The following RPL35A variants were observed in gnomAD, a reference collection of about 807,000 sequenced individuals.
The protein encoded by RPL35A is large ribosomal subunit protein eL33.
RPL35A carries 1 observed loss-of-function variant against 16.7 expected under a neutral mutation model. The ratio of observed to expected loss-of-function variants is 0.06; its 90% CI spans 0.02 to 0.28. RPL35A has a LOEUF of 0.28. RPL35A is among the 10% of genes least tolerant of loss of function. RPL35A has a pLI of 1.00. For missense variants in RPL35A, 91 were observed against 138.7 expected (o/e 0.66, Z 1.73); for synonymous variants, 58 against 47.0 (o/e 1.23, Z -0.96).
chr3:197,953,560 G>A, intron 3 of RPL35A: 1 of 457,282 alleles, frequency 2.2e-6, no homozygotes, highest in South Asian at 1.5e-5. Flanking sequence ...CAGTGCCTGC[G>A]CTAGTCATCC....
intron 1 of RPL35A, 127 bp from the exon 2 acceptor site, chr3:197,950,806 ATTG>A (rs1720003743): frequency 9.3e-6 from 7 of 755,198 alleles, no homozygotes; most frequent in South Asian, 1.6e-5. Flanking sequence ...ATGTTCTGGC[ATTG>A]TTGTCCCCGA....
chr3:197,953,968 G>C, intron 3 of RPL35A, 35 bp from the exon 4 acceptor site: 1 of 1,611,074 alleles, frequency 6.2e-7, no homozygotes, highest in South Asian at 1.1e-5. Flanking sequence ...AACTATATCA[G>C]CTTGTATTCC....
At chr3:197,951,613 A>G (rs1032486754) in intron 3 of RPL35A, 4 of 387,600 alleles carry the variant, frequency 1.0e-5, no homozygotes, top group South Asian at 4.6e-5. Flanking sequence ...TCGGCCTCCC[A>G]AAGTGCTGAG....
Position 197,950,205 on chromosome 3 carries a change from T to G in RPL35A, c.-49T>G. The G allele has an allele frequency of 8.1e-7, 1 of 1,231,552 alleles. No homozygotes were observed. The highest frequency in any genetic ancestry group is 3.1e-4 in the Middle Eastern group (1 of 3,208). The allele number at this position is 1,231,552 out of a possible 1,614,324, so 76.3% of individuals were successfully genotyped here. A position where few individuals can be genotyped will look rare whatever the true frequency, so the allele number is the denominator to read the frequency against. ...GGGCCTCGTCCTTCTCTTACCGCCATCTTGGCTCCTGTGGAGGTGAGTGAA... is the reference window on the plus strand; with the variant it reads ...GGGCCTCGTCCTTCTCTTACCGCCAGCTTGGCTCCTGTGGAGGTGAGTGAA... On this transcript the variant is annotated 5_prime_UTR_variant, in exon 1 of 5. Transcript: ENST00000647248.
intron 1 of RPL35A, chr3:197,950,561 C>T (rs933427163): frequency 7.8e-5 from 26 of 332,364 alleles, no homozygotes; most frequent in Non-Finnish European, 1.2e-4. Flanking sequence ...CAGTCTCTTT[C>T]CTCAGCTTTT....
rs555517793 is a variant in RPL35A, at chr3:197,956,304, A to G, written c.*531A>G. ...TTCAATGCAGATTGGGAAACTTAAA[A>G]TTTGAATGGAGATTATGTTGATGGG... is the stretch of plus-strand genomic sequence containing the variant. On this transcript the variant is annotated 3_prime_UTR_variant, in exon 5 of 5. Coordinates refer to ENST00000647248, the MANE Select transcript of RPL35A (RefSeq NM_000996.4). 1 of 160,544 alleles carries G rather than the reference A, an allele frequency of 6.2e-6. No homozygotes were observed. Among genetic ancestry groups the G allele is most frequent in the South Asian group, 1.7e-4 (1 of 5,798 alleles). The allele number at this position is 160,544 out of a possible 1,614,324, so 9.9% of individuals were successfully genotyped here. A position where few individuals can be genotyped will look rare whatever the true frequency, so the allele number is the denominator to read the frequency against.
Position 197,956,555 on chromosome 3 carries a change from T to A in RPL35A, c.*782T>A, listed in dbSNP as rs975496256. The A allele has an allele frequency of 6.6e-6, 1 of 152,028 alleles. No individual in the cohort carries two copies. The allele number at this position is 152,028 out of a possible 1,614,324, so 9.4% of individuals were successfully genotyped here. A position where few individuals can be genotyped will look rare whatever the true frequency, so the allele number is the denominator to read the frequency against. On this transcript the variant is annotated 3_prime_UTR_variant, in exon 5 of 5. Transcript: ENST00000647248. ...TTCAAGATTGCACTTTAAGCAGGCCTCCTAAATATTTTAGATTTCTTGGGG... is the reference window on the plus strand; with the variant it reads ...TTCAAGATTGCACTTTAAGCAGGCCACCTAAATATTTTAGATTTCTTGGGG...
At chr3:197,954,539 TCA>T (rs1344461507) in intron 4 of RPL35A, 1 of 326,472 alleles carries the variant, frequency 3.1e-6, no homozygotes, top group Non-Finnish European at 5.9e-6. Flanking sequence ...AGACAAGGTC[TCA>T]CTTTGTCACG....
chr3:197,955,775 C>T lies in RPL35A; in HGVS notation c.*2C>T, dbSNP rs752237864. On this transcript the variant is annotated 3_prime_UTR_variant, in exon 5 of 5. Coordinates refer to ENST00000647248, the MANE Select transcript of RPL35A (RefSeq NM_000996.4). ...ATGCTGTACCCCTCAAGGATTTAAA[C>T]TAACGAAAAATCAATAAATAAATGT... 6.2e-7 allele frequency: 1 copy of T among 1,603,262 alleles called. No individual in the cohort carries two copies. The highest frequency in any genetic ancestry group is 8.5e-7 in the Non-Finnish European group (1 of 1,172,024).
intron 4 of RPL35A, among the ~76,000 whole-genome samples, chr3:197,955,454 G>C (rs1720453957): frequency 6.6e-6 from 1 of 152,002 alleles, no homozygotes; most frequent in Non-Finnish European, 1.5e-5. Context: ...AGTAGAGACA[G>C]GGTTTTACCA....
At chr3:197,951,580 T>C (rs946311253) in intron 3 of RPL35A, 2 of 433,754 alleles carry the variant, frequency 4.6e-6, no homozygotes, top group Non-Finnish European at 8.5e-6. Context: ...CCCAAACTCC[T>C]GACCTTAGGT....
chr3:197,950,574 C>T (rs1289899219), intron 1 of RPL35A: 7 of 344,684 alleles, frequency 2.0e-5, no homozygotes, highest in African/African-American at 1.3e-4. Flanking sequence ...CAGCTTTTCT[C>T]CCCCAGCCAT....
intron 3 of RPL35A, chr3:197,953,525 G>T (rs371838311): frequency 7.2e-5 from 33 of 456,886 alleles, no homozygotes; most frequent in South Asian, 5.0e-4. Context: ...TCTTTCTTCC[G>T]GCCAGGACAC....
At chr3:197,950,705 T>C (rs1185534114) in intron 1 of RPL35A, 4 of 570,140 alleles carry the variant, frequency 7.0e-6, no homozygotes, top group Admixed American at 6.2e-5. Flanking sequence ...GTGACTCCTG[T>C]CCCTTAGTTT....
intron 3 of RPL35A, chr3:197,953,415 G>A: frequency 2.2e-6 from 1 of 456,646 alleles, no homozygotes; most frequent in South Asian, 1.5e-5. Flanking sequence ...TTTGTACATT[G>A]CTCGAACCAC....
In RPL35A at chr3:197,951,274, T is replaced by A; in HGVS notation, c.127T>A (p.Leu43Met). The change falls in exon 3 of 5, where the codon TTG becomes ATG. Residue 43 changes from leucine to methionine, a missense_variant. By Grantham distance (15) the Leu-to-Met change is conservative. Coordinates refer to ENST00000647248, the MANE Select transcript of RPL35A (RefSeq NM_000996.4). Reference protein sequence around the residue: ...VYARDETEFYLGKRCAYVYKA... With the variant: ...VYARDETEFYMGKRCAYVYKA... ...CGCCCGAGATGAAACAGAATTCTAT[T>A]TGGGCAAGAGATGCGCTTATGTATA... 1.2e-6 allele frequency: 2 copies of A among 1,614,144 alleles called. No individual in the cohort carries two copies. Among genetic ancestry groups the A allele is most frequent in the Non-Finnish European group, 1.7e-6 (2 of 1,179,992 alleles).
chr3:197,955,516 C>G (rs1720459679), intron 4 of RPL35A, among the ~76,000 whole-genome samples: 1 of 152,166 alleles, frequency 6.6e-6, no homozygotes, highest in South Asian at 2.1e-4. Context: ...CCCGCCTAGG[C>G]CTCCCAAAGT....
chr3:197,953,361 A>G, intron 3 of RPL35A: 1 of 444,978 alleles, frequency 2.2e-6, no homozygotes, highest in Non-Finnish European at 4.5e-6. Context: ...GGGTGACAAG[A>G]CAACCCCGTG....
intron 3 of RPL35A, 98 bp from the exon 4 acceptor site, chr3:197,953,904 TG>T: frequency 8.5e-7 from 1 of 1,175,598 alleles, no homozygotes; most frequent in Non-Finnish European, 1.3e-6. Flanking sequence ...GGTGATGAAG[TG>T]GGTAACCAGG....
Sources: gnomAD v4.1 joint callset for allele counts (sites outside exome capture counted in the v4.1 genomes callset) on GRCh38, gnomAD v4.1.1 for gene constraint, MANE v1.5 for transcripts, NCBI Gene and HGNC (gene_info 2026-07-23, HGNC 2026-07-21) for gene names.